The following HVCN1 variants were observed in gnomAD, a reference collection of about 807,000 sequenced individuals.
HVCN1 encodes hydrogen voltage gated channel 1.
In HVCN1, 14 loss-of-function variants were observed where a neutral mutation model predicts 29.2. That is an observed-to-expected ratio of 0.48 (90% CI 0.32 to 0.75). The LOEUF is 0.75. HVCN1 is among the 30% of genes least tolerant of loss of function. The probability of loss-of-function intolerance (pLI) is 0.04; values close to 1 mark genes in which losing one functional copy is unlikely to be tolerated. For missense variants in HVCN1, 263 were observed against 341.8 expected, an observed-to-expected ratio of 0.77 and a Z score of 1.82; for synonymous variants, 131 against 133.2, an observed-to-expected ratio of 0.98 and a Z score of 0.11.
chr12:110,672,089 TG>T (rs2068593235), intron 3 of HVCN1, among the ~76,000 whole-genome samples: 1 of 152,150 alleles, frequency 6.6e-6, no homozygotes, highest in Non-Finnish European at 1.5e-5. Context: ...GTGCCAGGCT[TG>T]GGGACAAAGG....
At chr12:110,700,866 C>T (rs531232879) in intron 2 of HVCN1, among the ~76,000 whole-genome samples, 63 of 152,264 alleles carry the variant, frequency 4.1e-4, no homozygotes, top group African/African-American at 1.3e-3. Context: ...ATCGACTGTC[C>T]GATAATTTCA....
intron 2 of HVCN1, among the ~76,000 whole-genome samples, chr12:110,701,952 C>CT (rs1196809621): frequency 1.7e-4 from 24 of 144,702 alleles, no homozygotes; most frequent in Non-Finnish European, 2.1e-4. Flanking sequence ...TTTCTTTTTT[C>CT]TTTTTTTTTT....
chr12:110,684,661 C>T (rs77048156), intron 2 of HVCN1, among the ~76,000 whole-genome samples: 3,834 of 152,316 alleles, frequency 0.025, 66 homozygotes, highest in East Asian at 0.069. Flanking sequence ...AGGGAGTGAT[C>T]TGGGTGTGGG....
intron 5 of HVCN1, among the ~76,000 whole-genome samples, chr12:110,653,572 T>A (rs1180071533): frequency 6.6e-6 from 1 of 152,148 alleles, no homozygotes; most frequent in African/African-American, 2.4e-5. Flanking sequence ...CTGGACACGG[T>A]GGCTCTTGCC....
At chr12:110,703,207 C>CAAA (rs758737358) in intron 1 of HVCN1, among the ~76,000 whole-genome samples, 5 of 98,754 alleles carry the variant, frequency 5.1e-5, no homozygotes, top group South Asian at 7.1e-4. Flanking sequence ...ATGTCTCTAC[C>CAAA]AAAAAAAAAA....
intron 3 of HVCN1, among the ~76,000 whole-genome samples, chr12:110,664,832 C>G (rs1208461268): frequency 2.6e-5 from 4 of 152,056 alleles, no homozygotes; most frequent in African/African-American, 9.7e-5. Flanking sequence ...TTTCATGAGG[C>G]AGGGAAAAAT....
intron 2 of HVCN1, among the ~76,000 whole-genome samples, chr12:110,684,103 T>C (rs1654594921): frequency 6.6e-6 from 1 of 152,020 alleles, no homozygotes; most frequent in South Asian, 2.1e-4. Flanking sequence ...GATTGGTGGT[T>C]GCCAGGGGCT....
At position 110,649,165 on chromosome 12, in the gene HVCN1, TAA is replaced by T; in HGVS notation, c.*243_*244del. 1.5e-6 allele frequency: 1 copy of T among 682,724 alleles called. No individual in the cohort carries two copies. 42.3% of individuals were successfully genotyped at this position (682,724 alleles called of 1,614,324 possible). On this transcript the variant is annotated 3_prime_UTR_variant, in exon 8 of 8. Transcript: ENST00000242607. Reference sequence around the variant, plus strand: ...TTTGTTGCTCATTTTCAATTAAGGCTAAAGTGTTCAACATGAGAAAATGTGAT... The same window carrying T: ...TTTGTTGCTCATTTTCAATTAAGGCTAGTGTTCAACATGAGAAAATGTGAT...
chr12:110,657,869 C>T (rs907820221), intron 4 of HVCN1, among the ~76,000 whole-genome samples: 4 of 152,198 alleles, frequency 2.6e-5, no homozygotes, highest in African/African-American at 4.8e-5. Flanking sequence ...CTGCAGAGTC[C>T]GTGCCGTGGG....
At chr12:110,688,006 G>A (rs534869495) in intron 2 of HVCN1, 1 of 152,296 alleles carries the variant, frequency 6.6e-6, no homozygotes, top group African/African-American at 2.4e-5. Context: ...CCTAGTTGCT[G>A]GTGGGGCTGT....
intron 5 of HVCN1, among the ~76,000 whole-genome samples, chr12:110,654,460 G>A (rs1425898567): frequency 6.7e-6 from 1 of 148,218 alleles, no homozygotes. Context: ...GCGGGGGATG[G>A]GGGGGAAATG....
At chr12:110,685,671 C>A (rs778811254) in intron 2 of HVCN1, among the ~76,000 whole-genome samples, 1 of 152,010 alleles carries the variant, frequency 6.6e-6, no homozygotes, top group Non-Finnish European at 1.5e-5. Context: ...CCCTGCACAC[C>A]CTTTTTTTTT....
upstream of HVCN1, among the ~76,000 whole-genome samples, chr12:110,694,585 A>G (rs2136503890): frequency 6.6e-6 from 1 of 152,332 alleles, no homozygotes; most frequent in South Asian, 2.1e-4. This position sits in a 1 kb window ranked among gnomAD's most constrained non-coding sequence, Gnocchi z 4.6. Context: ...TGGCTCTGGT[A>G]GAGTGTGAGA....
intron 3 of HVCN1, among the ~76,000 whole-genome samples, chr12:110,668,054 C>T (rs2068431102): frequency 6.6e-6 from 1 of 152,178 alleles, no homozygotes; most frequent in Non-Finnish European, 1.5e-5. Flanking sequence ...TCACCATGCA[C>T]TCCAGACTCC....
At chr12:110,677,291 C>A (rs2068780552) in intron 3 of HVCN1, among the ~76,000 whole-genome samples, 1 of 152,134 alleles carries the variant, frequency 6.6e-6, no homozygotes, top group Non-Finnish European at 1.5e-5. Context: ...CATCTTCTCA[C>A]CTTCCCTCTC....
At chr12:110,662,441 C>G (rs1341556517) in intron 3 of HVCN1, among the ~76,000 whole-genome samples, 2 of 152,172 alleles carry the variant, frequency 1.3e-5, no homozygotes, top group Non-Finnish European at 2.9e-5. Context: ...GTGGCTCATG[C>G]CTATAATCCC....
chr12:110,701,931 T>TC (rs2069568627), intron 2 of HVCN1, among the ~76,000 whole-genome samples: 1 of 147,602 alleles, frequency 6.8e-6, no homozygotes, highest in African/African-American at 2.5e-5. Context: ...CACACACAGG[T>TC]CCCGGTAGCT....
intron 3 of HVCN1, among the ~76,000 whole-genome samples, chr12:110,681,401 CA>C (rs1459865992): frequency 1.3e-4 from 20 of 152,264 alleles, no homozygotes; most frequent in African/African-American, 4.6e-4. Flanking sequence ...GTGTCTAGAA[CA>C]GTGGCATGGG....
At chr12:110,657,698 G>A (rs1252535137) in intron 4 of HVCN1, among the ~76,000 whole-genome samples, 1 of 152,088 alleles carries the variant, frequency 6.6e-6, no homozygotes, top group African/African-American at 2.4e-5. Context: ...ACAAAACTAC[G>A]ATGCCAGGAT....
Sources: allele counts gnomAD v4.1 joint callset (sites outside exome capture counted in the v4.1 genomes callset), GRCh38; gene constraint gnomAD v4.1.1; non-coding constraint Gnocchi (gnomAD v3.1); transcripts MANE v1.5; gene names NCBI Gene and HGNC (gene_info 2026-07-23, HGNC 2026-07-21).